ZNF451: variants seen among roughly 807,000 people sequenced by gnomAD.
ZNF451 encodes zinc finger protein 451, also known as E3 SUMO-protein ligase ZNF451.
A neutral mutation model predicts 107.1 loss-of-function variants in ZNF451; 80 were observed. The observed-to-expected ratio is 0.75, with a 90% CI of 0.62 to 0.90. The LOEUF (loss-of-function observed/expected upper bound fraction) is 0.90, where lower values mean the gene tolerates loss of function less well. ZNF451 is among the 40% of genes least tolerant of loss of function. The probability of loss-of-function intolerance (pLI) is 0.00; values close to 1 mark genes in which losing one functional copy is unlikely to be tolerated. For synonymous variants in ZNF451, 362 were observed against 406.5 expected (o/e 0.89, Z 1.32); for missense variants, 1,107 against 1,236.2 (o/e 0.90, Z 1.57).
chr6:57,164,419 T>C (rs1763810575), intron 14 of ZNF451, among the ~76,000 whole-genome samples: 1 of 152,248 alleles, frequency 6.6e-6, no homozygotes, highest in Non-Finnish European at 1.5e-5. Flanking sequence ...ATGATCATTA[T>C]GCCATTATTT....
chr6:57,135,178 C>G (rs1216075231), intron 7 of ZNF451, among the ~76,000 whole-genome samples: 1 of 152,110 alleles, frequency 6.6e-6, no homozygotes, highest in Non-Finnish European at 1.5e-5. Flanking sequence ...GAACCCTGTT[C>G]TTAAGTCCAC....
At chr6:57,104,962 A>G in intron 3 of ZNF451, 4 of 984,748 alleles carry the variant, frequency 4.1e-6, no homozygotes, top group Non-Finnish European at 4.8e-6. Flanking sequence ...GTAATAGATT[A>G]GTTTCTTGAT....
intron 3 of ZNF451, chr6:57,104,641 C>T (rs946199703): frequency 1.0e-6 from 1 of 985,080 alleles, no homozygotes; most frequent in Non-Finnish European, 1.2e-6. Flanking sequence ...AAGCTGAGCA[C>T]CTTAACCATT....
chr6:57,123,181 A>G (rs758969114), intron 3 of ZNF451, among the ~76,000 whole-genome samples: 2 of 152,170 alleles, frequency 1.3e-5, no homozygotes, highest in African/African-American at 4.8e-5. Context: ...AATAAATAAT[A>G]AATCATTTCA....
intron 3 of ZNF451, chr6:57,108,503 A>C: frequency 1.0e-6 from 1 of 985,348 alleles, no homozygotes; most frequent in Non-Finnish European, 1.2e-6. Context: ...AAGTCACTAA[A>C]CACAGTTTTC....
At chr6:57,104,332 C>G (rs936106383) in intron 3 of ZNF451, 2 of 985,258 alleles carry the variant, frequency 2.0e-6, no homozygotes, top group Non-Finnish European at 2.4e-6. Context: ...CTGGAGAACT[C>G]AGTGGTGAGA....
chr6:57,157,577 G>A (rs374948078), intron 13 of ZNF451, among the ~76,000 whole-genome samples: 3 of 151,994 alleles, frequency 2.0e-5, no homozygotes. Context: ...TTTTAATTAC[G>A]CTATGATATA....
At position 57,147,270 on chromosome 6, in the gene ZNF451, A is replaced by G. The variant is rs1443291495; in HGVS notation, c.1185A>G (p.Glu395=). Residue 395 remains glutamate (E), a synonymous_variant, in exon 10 of 15, where the codon GAA becomes GAG. Transcript: ENST00000370706. Reference sequence around the variant, plus strand: ...AAGTCCGAGTCATTAACTCAGTGGAAGAATCAGTCTTACTCTATTGCCACA... The same window carrying G: ...AAGTCCGAGTCATTAACTCAGTGGAGGAATCAGTCTTACTCTATTGCCACA... The part of the protein sequence containing the change: ...GHKVRVINSV[E]ESVLLYCHSS... 1.2e-6 allele frequency: 2 copies of G among 1,614,038 alleles called. No homozygotes were observed. Among genetic ancestry groups the G allele is most frequent in the East Asian group, 4.5e-5 (2 of 44,892 alleles).
chr6:57,093,627 GTACA>G, intron 2 of ZNF451, among the ~76,000 whole-genome samples: 1 of 152,302 alleles, frequency 6.6e-6, no homozygotes, highest in Admixed American at 6.5e-5. Flanking sequence ...CTTACAGAAA[GTACA>G]TAGTGCTGTT....
chr6:57,110,903 C>CT (rs59117896), intron 3 of ZNF451, among the ~76,000 whole-genome samples: 3,889 of 140,766 alleles, frequency 0.028, 147 homozygotes, highest in African/African-American at 0.085. Context: ...CCTTTACCTT[C>CT]TTTTTTTTTT....
chr6:57,138,423 C>G (rs1329472759), intron 7 of ZNF451, among the ~76,000 whole-genome samples: 1 of 151,454 alleles, frequency 6.6e-6, no homozygotes, highest in Admixed American at 6.6e-5. Flanking sequence ...CCACCACACC[C>G]GGCTAATTTT....
rs1340028825 is a variant in ZNF451, at chr6:57,106,675, CTTGTCTTTTGGAATCTA to C, written c.186+7536_186+7552del. On this transcript the variant is annotated intron_variant, in intron 3 of 14. Coordinates refer to ENST00000370706, the MANE Select transcript of ZNF451 (RefSeq NM_001031623.3). ...CACAGTCTCGCACTGTTTAGGTTCT[CTTGTCTTTTGGAATCTA>C]TCATTCTGTATTTAATGTTAGTGGC... 4.1e-6 allele frequency: 4 copies of C among 971,780 alleles called. No individual in the cohort carries two copies. In the African/African-American group the frequency reaches 7.4e-5, roughly 18 times the overall value. The allele number at this position is 971,780 out of a possible 1,614,324, so 60.2% of individuals were successfully genotyped here. A position where few individuals can be genotyped will look rare whatever the true frequency, so the allele number is the denominator to read the frequency against.
At chr6:57,143,251 C>A (rs1831870256) in intron 9 of ZNF451, among the ~76,000 whole-genome samples, 1 of 152,026 alleles carries the variant, frequency 6.6e-6, no homozygotes, top group Admixed American at 6.6e-5. Flanking sequence ...TATGGTTATG[C>A]TTTCTGTGTC....
intron 7 of ZNF451, among the ~76,000 whole-genome samples, chr6:57,137,109 G>A (rs950460778): frequency 2.0e-5 from 3 of 152,214 alleles, no homozygotes; most frequent in Non-Finnish European, 4.4e-5. Flanking sequence ...GGCCTGACCT[G>A]TAACCTTCAA....
intron 14 of ZNF451, among the ~76,000 whole-genome samples, chr6:57,166,863 A>G (rs1053911194): frequency 3.3e-5 from 5 of 152,244 alleles, no homozygotes; most frequent in Admixed American, 3.3e-4. Context: ...TTTCAGGTCT[A>G]TTATAATCTT....
chr6:57,093,804 T>C (rs752570038), intron 2 of ZNF451, among the ~76,000 whole-genome samples: 3 of 152,148 alleles, frequency 2.0e-5, no homozygotes, highest in Non-Finnish European at 4.4e-5. Context: ...CGTGAAAGAT[T>C]TTTTGTTGTT....
chr6:57,156,359 G>T (rs1055613610), intron 13 of ZNF451, among the ~76,000 whole-genome samples: 1 of 152,042 alleles, frequency 6.6e-6, no homozygotes, highest in African/African-American at 2.4e-5. Flanking sequence ...AAATAGCTTT[G>T]TGAATAGTTG....
At chr6:57,097,806 C>T (rs975510436) in intron 2 of ZNF451, among the ~76,000 whole-genome samples, 2 of 152,090 alleles carry the variant, frequency 1.3e-5, no homozygotes, top group African/African-American at 4.8e-5. Context: ...ACCACTGTTA[C>T]TTCAGCCCAT....
At chr6:57,122,031 G>A (rs1230186975) in intron 3 of ZNF451, among the ~76,000 whole-genome samples, 5 of 151,934 alleles carry the variant, frequency 3.3e-5, no homozygotes, top group South Asian at 4.1e-4. Flanking sequence ...AAATAGACAC[G>A]CAGACCAATG....
Sources: allele counts gnomAD v4.1 joint callset (sites outside exome capture counted in the v4.1 genomes callset), GRCh38; gene constraint gnomAD v4.1.1; transcripts MANE v1.5; gene names NCBI Gene and HGNC (gene_info 2026-07-23, HGNC 2026-07-21).